NAALADL2: variants seen among roughly 807,000 people sequenced by gnomAD.
The protein encoded by NAALADL2 is N-acetylated alpha-linked acidic dipeptidase like 2.
In NAALADL2, 76 loss-of-function variants were observed where a neutral mutation model predicts 87.2. The ratio of observed to expected loss-of-function variants is 0.87; its 90% CI spans 0.72 to 1.05. The LOEUF (loss-of-function observed/expected upper bound fraction) is 1.05, where lower values mean the gene tolerates loss of function less well. NAALADL2 is among the 50% of genes least tolerant of loss of function. NAALADL2 has a pLI of 0.00. For missense variants in NAALADL2, 1,089 were observed against 945.8 expected (o/e 1.15, Z -1.99); for synonymous variants, 354 against 331.0 (o/e 1.07, Z -0.75).
intron 4 of NAALADL2, among the ~76,000 whole-genome samples, chr3:175,304,675 G>C (rs1757481624): frequency 6.6e-6 from 1 of 152,134 alleles, no homozygotes; most frequent in South Asian, 2.1e-4. Context: ...TCTGATTTGA[G>C]TCTAGGGACA....
chr3:175,472,342 G>A (rs1030106913), intron 9 of NAALADL2, among the ~76,000 whole-genome samples: 7 of 151,784 alleles, frequency 4.6e-5, no homozygotes, highest in Admixed American at 1.3e-4. Context: ...GTCACTTCTC[G>A]CCTAATTTAA....
intron 2 of NAALADL2, among the ~76,000 whole-genome samples, chr3:175,145,722 T>A (rs192077978): frequency 1.1e-3 from 163 of 152,180 alleles, no homozygotes; most frequent in African/African-American, 3.8e-3. Context: ...CAAAACTAAA[T>A]GCTTTCTACT....
intron 12 of NAALADL2, among the ~76,000 whole-genome samples, chr3:175,738,969 G>C (rs1183073468): frequency 6.6e-6 from 1 of 151,996 alleles, no homozygotes; most frequent in Non-Finnish European, 1.5e-5. Context: ...CTGTTTTGCT[G>C]TTTCTTTAGT....
chr3:175,335,822 G>GT (rs1451258292), intron 5 of NAALADL2, among the ~76,000 whole-genome samples: 3 of 152,088 alleles, frequency 2.0e-5, no homozygotes, highest in African/African-American at 4.8e-5. Flanking sequence ...GGAATATTAT[G>GT]TTTTTTTGAG....
In NAALADL2 at chr3:175,449,394, C is replaced by CTTCTTTT. The variant is rs1212551637; in HGVS notation, c.1234+2024_1234+2025insCTTTTTT. On this transcript the variant is annotated intron_variant, in intron 6 of 13. Transcript: ENST00000454872. ...TGCCTGGCCTAACATTAATTTTCTT[C>CTTCTTTT]TTTTTTTTTTTTTTTTTTTGAGACA... Among the ~76,000 whole-genome samples the CTTCTTTT allele has an allele frequency of 2.8e-3, 136 of 48,558 alleles. 3 individuals carry two copies. The highest frequency in any genetic ancestry group is 6.3e-3 in the African/African-American group (111 of 17,692). The allele number at this position is 48,558 out of a possible 152,430, so 31.9% of individuals were successfully genotyped here.
intron 1 of NAALADL2, among the ~76,000 whole-genome samples, chr3:175,006,910 A>G (rs1454204567): frequency 2.0e-5 from 3 of 151,366 alleles, no homozygotes; most frequent in Non-Finnish European, 4.4e-5. Context: ...CTTTGTAAGG[A>G]GGAGTATACA....
At chr3:175,160,424 T>TGCAATGACACGATCTCG (rs11276463) in intron 2 of NAALADL2, among the ~76,000 whole-genome samples, 11 of 130,274 alleles carry the variant, frequency 8.4e-5, no homozygotes, top group African/African-American at 3.1e-4. Flanking sequence ...CAGGCTGGAG[T>TGCAATGACACGATCTCG]GCTCCGCAAC....
rs151013791 is a variant in NAALADL2, at chr3:175,751,473, CTTGTG to C, written c.1991-3742_1991-3738del. On this transcript the variant is annotated intron_variant, in intron 12 of 13. Coordinates refer to ENST00000454872, the MANE Select transcript of NAALADL2 (RefSeq NM_207015.3). The stretch of plus-strand genomic sequence containing the variant: ...CCTTTAAAAAATGGGTTTGTAGTAA[CTTGTG>C]TTGTTTGTGTGCTCTAATAATACAA... 5.0e-3 allele frequency among the ~76,000 whole-genome samples: 764 copies of C among 152,038 alleles called. 7 individuals are homozygous for C. The highest frequency in any genetic ancestry group is 0.018 in the African/African-American group (733 of 41,488).
intron 6 of NAALADL2, among the ~76,000 whole-genome samples, chr3:175,461,299 C>A (rs572835418): frequency 9.9e-5 from 15 of 151,904 alleles, no homozygotes; most frequent in African/African-American, 3.4e-4. Flanking sequence ...GCTGATGGTG[C>A]GTTTTTACAG....
intron 5 of NAALADL2, among the ~76,000 whole-genome samples, chr3:175,411,304 C>T (rs148942150): frequency 1.2e-3 from 185 of 152,224 alleles, no homozygotes; most frequent in Non-Finnish European, 2.0e-3. Flanking sequence ...TTGAGTTATG[C>T]TCTTAATTTA....
At chr3:175,464,318 G>C (rs1036321758) in intron 7 of NAALADL2, among the ~76,000 whole-genome samples, 3 of 151,924 alleles carry the variant, frequency 2.0e-5, no homozygotes, top group African/African-American at 7.3e-5. Context: ...CAGCTACTCA[G>C]GAGGCTGAGA....
intron 2 of NAALADL2, among the ~76,000 whole-genome samples, chr3:175,104,930 T>C (rs750692303): frequency 4.0e-5 from 6 of 151,708 alleles, no homozygotes; most frequent in Non-Finnish European, 7.4e-5. Flanking sequence ...CTCAGTGTTA[T>C]GCAGAATGAC....
chr3:175,584,361 T>C (rs1379819315), intron 10 of NAALADL2, among the ~76,000 whole-genome samples: 1 of 151,486 alleles, frequency 6.6e-6, no homozygotes, highest in East Asian at 1.9e-4. Flanking sequence ...TTATTATAGA[T>C]GAGGAAACTG....
chr3:175,525,422 T>C (rs1733254091), intron 9 of NAALADL2, among the ~76,000 whole-genome samples: 1 of 152,174 alleles, frequency 6.6e-6, no homozygotes, highest in African/African-American at 2.4e-5. Context: ...GAGTCTAGCC[T>C]GTTGTGGACA....
chr3:175,592,312 T>C (rs1041440417), intron 10 of NAALADL2, among the ~76,000 whole-genome samples: 9 of 47,466 alleles, frequency 1.9e-4, no homozygotes, highest in African/African-American at 3.4e-4. Context: ...CTTTTCTTTT[T>C]TTTTTTTTTT....
At chr3:175,382,309 A>G (rs1371266924) in intron 5 of NAALADL2, among the ~76,000 whole-genome samples, 1 of 152,140 alleles carries the variant, frequency 6.6e-6, no homozygotes, top group East Asian at 1.9e-4. Context: ...GGGTAAACAC[A>G]TGCCTGGTGG....
chr3:174,690,145 A>G (rs1728428448), intron 2 of NAALADL2, among the ~76,000 whole-genome samples: 2 of 152,188 alleles, frequency 1.3e-5, no homozygotes, highest in Admixed American at 6.5e-5. Flanking sequence ...TCAAGATGTG[A>G]TTTCATTAAA....
At chr3:175,517,680 G>T (rs1732050759) in intron 9 of NAALADL2, among the ~76,000 whole-genome samples, 1 of 152,092 alleles carries the variant, frequency 6.6e-6, no homozygotes. Context: ...ATCATCTCAT[G>T]CCAAGAAGAT....
intron 9 of NAALADL2, among the ~76,000 whole-genome samples, chr3:175,535,920 T>G (rs1734753119): frequency 6.6e-6 from 1 of 152,192 alleles, no homozygotes; most frequent in Non-Finnish European, 1.5e-5. Context: ...CACACTTATG[T>G]GAAATGCACT....
Sources: allele counts gnomAD v4.1 joint callset (sites outside exome capture counted in the v4.1 genomes callset), GRCh38; gene constraint gnomAD v4.1.1; transcripts MANE v1.5; gene names NCBI Gene and HGNC (gene_info 2026-07-23, HGNC 2026-07-21).